LY9: variants seen among roughly 807,000 people sequenced by gnomAD.
LY9 encodes lymphocyte antigen 9, also known as T-lymphocyte surface antigen Ly-9.
Under a neutral mutation model 64.6 loss-of-function variants are expected in LY9, and 59 were observed. The observed-to-expected ratio is 0.91, with a 90% confidence interval of 0.74 to 1.13. The LOEUF is 1.13. LY9 is among the 50% of genes most tolerant of loss of function. LY9 has a pLI of 0.00. For synonymous variants in LY9, 281 were observed against 308.5 expected, an observed-to-expected ratio of 0.91 and a Z score of 0.93; for missense variants, 789 against 797.2, an observed-to-expected ratio of 0.99 and a Z score of 0.12.
chr1:160,801,976 A>C, intron 2 of LY9: 1 of 1,589,898 alleles, frequency 6.3e-7, no homozygotes, highest in Non-Finnish European at 8.6e-7. Flanking sequence ...ACCGCCGCGC[A>C]GCAGAGCTGG....
rs1244849887 is a variant in LY9 at position 160,801,920 on chromosome 1, C to A, written c.454+1838C>A. The A allele has an allele frequency of 1.9e-6, 3 of 1,612,124 alleles. No individual in the cohort carries two copies. The South Asian group carries it at 3.3e-5, about 18-fold the overall frequency. ...GTGTGAGCGTGCGGGAGGGCTAGGC[C>A]CTCGCCCCCACCTGCCACTGGAGAC... On this transcript the variant is annotated intron_variant, in intron 2 of 9. Transcript: ENST00000263285.
At chr1:160,801,642 G>T in intron 2 of LY9, 1 of 630,302 alleles carries the variant, frequency 1.6e-6, no homozygotes, top group Non-Finnish European at 2.7e-6. Context: ...CAATGTCCAG[G>T]AGAGTTTTCC....
Position 160,813,745 on chromosome 1 carries a change from G to C in LY9, c.564G>C (p.Leu188=), listed in dbSNP as rs1190463273. The C allele has an allele frequency of 4.3e-6, 7 of 1,614,158 alleles. No individual in the cohort carries two copies. The highest frequency in any genetic ancestry group is 1.1e-5 in the South Asian group (1 of 91,076). Residue 188 remains leucine, a synonymous_variant, in exon 3 of 10, where the codon CTG becomes CTC. Coordinates refer to ENST00000263285, the MANE Select transcript of LY9 (RefSeq NM_002348.4). ...TGAAGGGGGCAGAGAAAAGTGTTCT[G>C]TACAGCTGGACCCCAAGGGAACCCC... ...CSVKGAEKSV[L]YSWTPREPHA...
chr1:160,803,290 ATT>A (rs55716945), intron 2 of LY9, among the ~76,000 whole-genome samples: 1 of 151,042 alleles, frequency 6.6e-6, no homozygotes, highest in African/African-American at 2.4e-5. Context: ...CTAAAAAAAA[ATT>A]TTTTTTTTTA....
chr1:160,818,042 T>A (rs1420128745), intron 5 of LY9, among the ~76,000 whole-genome samples, 176 bp from the exon 6 acceptor site: 4 of 152,134 alleles, frequency 2.6e-5, no homozygotes, highest in Admixed American at 2.0e-4. Context: ...TGCTATAACC[T>A]CTTGCCTAGA....
intron 2 of LY9, among the ~76,000 whole-genome samples, chr1:160,803,781 G>A (rs1273546079): frequency 6.6e-6 from 1 of 152,186 alleles, no homozygotes; most frequent in Non-Finnish European, 1.5e-5. Context: ...ACCAAGGCAG[G>A]TGGATTGCTT....
At chr1:160,805,793 ACTCT>A (rs147879300) in intron 2 of LY9, among the ~76,000 whole-genome samples, 5 of 141,364 alleles carry the variant, frequency 3.5e-5, no homozygotes, top group African/African-American at 1.4e-4. Flanking sequence ...TCTTACTCTC[ACTCT>A]CTCTCTGGTA....
intron 2 of LY9, among the ~76,000 whole-genome samples, chr1:160,809,189 A>ATT (rs374287830): frequency 6.0e-5 from 8 of 133,748 alleles, no homozygotes; most frequent in African/African-American, 1.9e-4. Context: ...TGGTATATGC[A>ATT]TTCTTTTTTT....
chr1:160,809,133 T>C (rs1667244852), intron 2 of LY9, among the ~76,000 whole-genome samples: 1 of 152,048 alleles, frequency 6.6e-6, no homozygotes, highest in African/African-American at 2.4e-5. Flanking sequence ...TATATTCTGA[T>C]GGATAAATCT....
chr1:160,815,493 T>C (rs1473696142), intron 4 of LY9, among the ~76,000 whole-genome samples: 1 of 152,158 alleles, frequency 6.6e-6, no homozygotes, highest in Non-Finnish European at 1.5e-5. Context: ...TTCAAGGGAT[T>C]CTTCTGCCTC....
intron 1 of LY9, chr1:160,799,462 T>C: frequency 3.1e-6 from 1 of 322,408 alleles, no homozygotes; most frequent in East Asian, 5.8e-5. Flanking sequence ...TAAGATTCAC[T>C]GAAAAATTCA....
Position 160,828,085 on chromosome 1 carries a change from G to A in LY9, c.*269G>A, listed in dbSNP as rs1221717081. On this transcript the variant is annotated 3_prime_UTR_variant, in exon 10 of 10. Coordinates refer to ENST00000263285, the MANE Select transcript of LY9 (RefSeq NM_002348.4). The stretch of plus-strand genomic sequence containing the variant: ...CGCACACTTATAGCGTTTCCTCCTC[G>A]AAATTCTACCAAGACTGGTCAAATG... 4 of 243,822 alleles carry A rather than the reference G, an allele frequency of 1.6e-5. No individual in the cohort carries two copies. Among genetic ancestry groups the A allele is most frequent in the Admixed American group, 5.6e-5 (1 of 17,894 alleles). 15.1% of individuals were successfully genotyped at this position (243,822 alleles called of 1,614,324 possible).
intron 7 of LY9, among the ~76,000 whole-genome samples, chr1:160,819,769 C>A (rs1354563730): frequency 8.5e-6 from 1 of 117,586 alleles, no homozygotes; most frequent in Non-Finnish European, 1.7e-5. Context: ...ACAGTCTGGG[C>A]AACAGGGCAA....
At chr1:160,796,536 G>A (rs926203956) in intron 1 of LY9, among the ~76,000 whole-genome samples, 2 of 152,056 alleles carry the variant, frequency 1.3e-5, no homozygotes, top group African/African-American at 2.4e-5. Flanking sequence ...GGGATTACAG[G>A]TGCATGCCAA....
chr1:160,820,842 G>GTTTT (rs34903114), intron 7 of LY9, among the ~76,000 whole-genome samples: 3 of 145,614 alleles, frequency 2.1e-5, no homozygotes, highest in Non-Finnish European at 3.0e-5. Flanking sequence ...TAATTGAATA[G>GTTTT]TTTTTTTTTT....
chr1:160,801,742 T>A, intron 2 of LY9: 1 of 1,414,402 alleles, frequency 7.1e-7, no homozygotes, highest in Non-Finnish European at 1.0e-6. Flanking sequence ...TGATGAGAAA[T>A]AGGGGTTCAA....
intron 2 of LY9, among the ~76,000 whole-genome samples, chr1:160,808,847 C>T (rs1667215923): frequency 6.6e-6 from 1 of 152,158 alleles, no homozygotes; most frequent in Admixed American, 6.5e-5. Context: ...TAAAAACAGA[C>T]ATTCTTTTTC....
In LY9 at chr1:160,799,942, G is replaced by A. The variant is rs1297582255; in HGVS notation, c.314G>A (p.Gly105Asp). Residue 105 changes from glycine to aspartate, a missense_variant, in exon 2 of 10, where the codon GGC (glycine) becomes GAC (aspartate). By Grantham distance (94) the Gly-to-Asp change is moderately conservative. Transcript: ENST00000263285. ...ACCATTATGGTCAAAAGCTACCTGG[G>A]CCGACTAGACATCACCAAGTGGAGT... is the stretch of plus-strand genomic sequence containing the variant. ...NVTIMVKSYL[G>D]RLDITKWSYS... 3 of 1,613,520 alleles carry A rather than the reference G, an allele frequency of 1.9e-6. No individual in the cohort carries two copies. Among genetic ancestry groups the A allele is most frequent in the Non-Finnish European group, 2.5e-6 (3 of 1,179,552 alleles).
rs1667986058 is a variant in LY9 at position 160,816,763 on chromosome 1, C to G, written c.1242C>G (p.Val414=). The change falls in exon 5 of 10, where the codon GTC becomes GTG. Residue 414 remains valine (V), a synonymous_variant. Coordinates refer to ENST00000263285, the MANE Select transcript of LY9 (RefSeq NM_002348.4). The part of the protein sequence containing the change: ...VVSQGESHLN[V]SWRSSENHPN... ...CCCAAGGGGAATCACACCTCAATGT[C>G]TCATGGAGAAGCAGTGAAAATCACC... The G allele has an allele frequency of 6.2e-7, 1 of 1,614,122 alleles. No individual in the cohort carries two copies. Among genetic ancestry groups the G allele is most frequent in the African/African-American group, 1.3e-5 (1 of 74,942 alleles).
Sources: allele counts gnomAD v4.1 joint callset (sites outside exome capture counted in the v4.1 genomes callset), GRCh38; gene constraint gnomAD v4.1.1; transcripts MANE v1.5; gene names NCBI Gene and HGNC (gene_info 2026-07-23, HGNC 2026-07-21).